The following CYFIP2 variants were observed in gnomAD, a reference collection of about 807,000 sequenced individuals.
CYFIP2 encodes cytoplasmic FMR1 interacting protein 2, also known as cytoplasmic FMR1-interacting protein 2.
Under a neutral mutation model 158.7 loss-of-function variants are expected in CYFIP2, and 29 were observed. The ratio of observed to expected loss-of-function variants is 0.18; its 90% confidence interval spans 0.14 to 0.25. The LOEUF (loss-of-function observed/expected upper bound fraction) is 0.25, where lower values mean the gene tolerates loss of function less well. Ranked by LOEUF, CYFIP2 falls within the 10% of genes least tolerant of loss-of-function variation. The pLI, the probability that CYFIP2 is intolerant of heterozygous loss-of-function variation, is 1.00. For missense variants in CYFIP2, 852 were observed against 1,639.5 expected, an observed-to-expected ratio of 0.52 and a Z score of 8.29; for synonymous variants, 585 against 617.6, an observed-to-expected ratio of 0.95 and a Z score of 0.78.
At chr5:157,335,991 G>A (rs753005567) in intron 21 of CYFIP2, among the ~76,000 whole-genome samples, 5 of 152,106 alleles carry the variant, frequency 3.3e-5, no homozygotes, top group Admixed American at 1.3e-4. Flanking sequence ...CTTATCAGGC[G>A]AGGGCAGTGG....
At chr5:157,335,182 T>A (rs530745974) in intron 21 of CYFIP2, among the ~76,000 whole-genome samples, 1 of 152,362 alleles carries the variant, frequency 6.6e-6, no homozygotes, top group African/African-American at 2.4e-5. Flanking sequence ...CAAGCCTGTT[T>A]CCTTATCTAT....
Position 157,323,907 on chromosome 5 carries a change from C to G in CYFIP2, c.1672-14C>G. 1.3e-6 allele frequency: 2 copies of G among 1,542,116 alleles called. No individual in the cohort carries two copies. The highest frequency in any genetic ancestry group is 1.8e-6 in the Non-Finnish European group (2 of 1,138,136). ...GCCAGCTTCTGACCTTCTCATCTTGCTTTCTTTTTCAAGCTGTACATGGTG... is the reference window on the plus strand; with the variant it reads ...GCCAGCTTCTGACCTTCTCATCTTGGTTTCTTTTTCAAGCTGTACATGGTG... On this transcript the variant is annotated splice_polypyrimidine_tract_variant and intron_variant, in intron 15 of 30. Coordinates refer to ENST00000620254, the MANE Select transcript of CYFIP2 (RefSeq NM_001037333.3).
intron 7 of CYFIP2, 112 bp downstream of exon 7, chr5:157,303,002 A>G (rs1758907588): frequency 1.3e-6 from 1 of 768,836 alleles, no homozygotes; most frequent in Admixed American, 2.8e-5. Flanking sequence ...TGCAGCTTCC[A>G]TCTCCACTGC....
At chr5:157,392,052 T>G (rs1178136998) in intron 30 of CYFIP2, among the ~76,000 whole-genome samples, 1 of 152,264 alleles carries the variant, frequency 6.6e-6, no homozygotes, top group Non-Finnish European at 1.5e-5. Flanking sequence ...ATTGGCCATT[T>G]GTATATCTTC....
chr5:157,335,907 C>T (rs1170219819), intron 21 of CYFIP2, among the ~76,000 whole-genome samples: 1 of 152,106 alleles, frequency 6.6e-6, no homozygotes, highest in African/African-American at 2.4e-5. Flanking sequence ...TCCATGGCCT[C>T]TTCCCACCTG....
At chr5:157,326,383 C>T in intron 18 of CYFIP2, 116 bp downstream of exon 18, 1 of 881,626 alleles carries the variant, frequency 1.1e-6, no homozygotes. Flanking sequence ...GGAGAGGAAT[C>T]TCTGTAACCA....
intron 10 of CYFIP2, among the ~76,000 whole-genome samples, 185 bp downstream of exon 10, chr5:157,310,019 C>A (rs552625229): frequency 6.6e-6 from 1 of 152,184 alleles, no homozygotes; most frequent in Non-Finnish European, 1.5e-5. Context: ...CCGCCCTCTG[C>A]TGCCAGCTTC....
intron 26 of CYFIP2, chr5:157,375,960 G>C (rs1765434163): frequency 6.6e-6 from 1 of 152,238 alleles, no homozygotes; most frequent in African/African-American, 2.4e-5. Context: ...CTGAAAGCCT[G>C]GCTCCTGACT....
chr5:157,317,145 A>G (rs1760214032), intron 13 of CYFIP2, among the ~76,000 whole-genome samples: 1 of 152,176 alleles, frequency 6.6e-6, no homozygotes, highest in Non-Finnish European at 1.5e-5. Context: ...ACCCACTTCT[A>G]CCTTCACCTT....
intron 23 of CYFIP2, chr5:157,342,539 T>G: frequency 1.2e-5 from 1 of 80,676 alleles, no homozygotes. Flanking sequence ...GTGCTGTGTT[T>G]TATTTGTCAT....
chr5:157,393,463 C>T lies in CYFIP2; in HGVS notation c.*463C>T, dbSNP rs998419939. ...GCCTGGCCAGAAGGGCATGCCTCAG[C>T]TTACTACTTCATCTCTCCTGGTTCC... On this transcript the variant is annotated 3_prime_UTR_variant, in exon 31 of 31. Transcript: ENST00000620254. The T allele has an allele frequency of 2.6e-5, 4 of 153,642 alleles. No homozygotes were observed. Among genetic ancestry groups the T allele is most frequent in the African/African-American group, 9.6e-5 (4 of 41,476 alleles). 9.5% of individuals were successfully genotyped at this position (153,642 alleles called of 1,614,324 possible). A position where few individuals can be genotyped will look rare whatever the true frequency, so the allele number is the denominator to read the frequency against.
At chr5:157,360,202 C>A (rs1325644498) in intron 24 of CYFIP2, 80 bp from the exon 25 acceptor site, 2 of 1,176,428 alleles carry the variant, frequency 1.7e-6, no homozygotes, top group African/African-American at 1.5e-5. Flanking sequence ...CTGCCCCATC[C>A]TCTCAGAGGT....
At chr5:157,381,230 C>A (rs915091727) in intron 26 of CYFIP2, among the ~76,000 whole-genome samples, 4 of 152,070 alleles carry the variant, frequency 2.6e-5, no homozygotes, top group African/African-American at 9.7e-5. Flanking sequence ...AACCACTACT[C>A]TGGATTTGGT....
intron 26 of CYFIP2, 138 bp from the exon 27 acceptor site, chr5:157,382,452 C>A: frequency 1.3e-6 from 1 of 794,120 alleles, no homozygotes; most frequent in Non-Finnish European, 2.0e-6. Context: ...AAGTAACTTG[C>A]CCAAGGTCAC....
chr5:157,304,979 T>C (rs1759093132), intron 8 of CYFIP2, among the ~76,000 whole-genome samples: 1 of 152,184 alleles, frequency 6.6e-6, no homozygotes, highest in African/African-American at 2.4e-5. Flanking sequence ...GTAGCTTAGC[T>C]CCCACTTATA....
At chr5:157,290,459 G>A (rs1048911922) in intron 3 of CYFIP2, among the ~76,000 whole-genome samples, 3 of 152,144 alleles carry the variant, frequency 2.0e-5, no homozygotes, top group African/African-American at 7.2e-5. Flanking sequence ...TTGCTTATGA[G>A]TACCTTGTGT....
chr5:157,295,776 CT>C (rs1236322900), intron 4 of CYFIP2, among the ~76,000 whole-genome samples: 5 of 152,368 alleles, frequency 3.3e-5, no homozygotes, highest in African/African-American at 4.8e-5. Flanking sequence ...CACTTTAAGA[CT>C]TTCTAAGCAA....
intron 9 of CYFIP2, among the ~76,000 whole-genome samples, chr5:157,308,851 ACCTCT>A (rs1759462733): frequency 2.6e-5 from 4 of 151,948 alleles, no homozygotes; most frequent in African/African-American, 9.7e-5. Flanking sequence ...GAGAAATACA[ACCTCT>A]CCCTTGGCAG....
At position 157,300,786 on chromosome 5, in the gene CYFIP2, C is replaced by T. The variant is rs1216794460; in HGVS notation, c.459C>T (p.Val153=). The part of the protein sequence containing the change: ...LCHAERRKDF[V]SEAYLLTLGK... ...ATGCCGAGCGCAGGAAGGACTTTGT[C>T]TCTGAGGCCTACCTCCTGACCCTTG... Residue 153 remains valine (V), a synonymous_variant, in exon 6 of 31, where the codon GTC becomes GTT. Coordinates refer to ENST00000620254, the MANE Select transcript of CYFIP2 (RefSeq NM_001037333.3). 3.1e-6 allele frequency: 5 copies of T among 1,613,624 alleles called. No individual in the cohort carries two copies. The highest frequency in any genetic ancestry group is 2.2e-5 in the South Asian group (2 of 91,064).
Sources: allele counts gnomAD v4.1 joint callset (sites outside exome capture counted in the v4.1 genomes callset), GRCh38; gene constraint gnomAD v4.1.1; transcripts MANE v1.5; gene names NCBI Gene and HGNC (gene_info 2026-07-23, HGNC 2026-07-21).